Variants in HABP4 observed in about 807,000 individuals in gnomAD.
HABP4 encodes hyaluronan binding protein 4.
HABP4 carries 32 observed loss-of-function variants against 44.1 expected under a neutral mutation model. The ratio of observed to expected loss-of-function variants is 0.73; its 90% CI spans 0.55 to 0.97. The LOEUF (loss-of-function observed/expected upper bound fraction) is 0.97. HABP4 is among the 50% of genes least tolerant of loss of function. HABP4 has a pLI of 0.00. For missense variants in HABP4, 503 were observed against 561.9 expected, an observed-to-expected ratio of 0.90 and a Z score of 1.06; for synonymous variants, 216 against 218.0, an observed-to-expected ratio of 0.99 and a Z score of 0.08.
chr9:96,453,267 A>T (rs1832318844), intron 1 of HABP4, among the ~76,000 whole-genome samples: 1 of 151,892 alleles, frequency 6.6e-6, no homozygotes, highest in Non-Finnish European at 1.5e-5. Context: ...GCATGGGTTC[A>T]CTATGTTCAT....
intron 6 of HABP4, 147 bp from the exon 7 acceptor site, chr9:96,487,942 C>T (rs1257736753): frequency 3.1e-6 from 2 of 644,272 alleles, no homozygotes; most frequent in Non-Finnish European, 5.6e-6. Flanking sequence ...GCTCTGCAGC[C>T]CAGGGCCAGA....
At chr9:96,489,861 C>A in intron 7 of HABP4, 121 bp from the exon 8 acceptor site, 1 of 739,454 alleles carries the variant, frequency 1.4e-6, no homozygotes. Context: ...CCCCTTCCCA[C>A]TGTGGGTCCT....
At chr9:96,460,656 G>T (rs1401005240) in intron 2 of HABP4, among the ~76,000 whole-genome samples, 2 of 152,140 alleles carry the variant, frequency 1.3e-5, no homozygotes, top group African/African-American at 2.4e-5. Flanking sequence ...GCCTTCCTTT[G>T]TCCTTATGAA....
intron 5 of HABP4, among the ~76,000 whole-genome samples, chr9:96,471,755 AC>A (rs1315777844): frequency 6.6e-5 from 10 of 151,878 alleles, no homozygotes; most frequent in Non-Finnish European, 1.0e-4. Flanking sequence ...TAGCTTAGAT[AC>A]CGGCTCCGTC....
chr9:96,450,514 T>C lies in HABP4; in HGVS notation c.235T>C (p.Ser79Pro). 8.2e-7 allele frequency: 1 copy of C among 1,218,440 alleles called. No homozygotes were observed. Among genetic ancestry groups the C allele is most frequent in the Non-Finnish European group, 1.0e-6 (1 of 979,558 alleles). 75.5% of individuals were successfully genotyped at this position (1,218,440 alleles called of 1,614,324 possible). A position where few individuals can be genotyped will look rare whatever the true frequency, so the allele number is the denominator to read the frequency against. Residue 79 changes from serine (S) to proline (P), a missense_variant, in exon 1 of 8, where the codon TCG (serine) becomes CCG (proline). Transcript: ENST00000375249. This position sits in a 1 kb window ranked among gnomAD's most constrained non-coding sequence, Gnocchi z 4.8. ...CGGCGGCAGGAGCCCAGCCGGGGCC[T>C]CGGGCCACAGAGCCGGCGCGGGCGG... Reference protein sequence around the residue: ...PRGGRSPAGASGHRAGAGGRR... With the variant: ...PRGGRSPAGAPGHRAGAGGRR...
At chr9:96,470,794 G>A (rs1241799490) in intron 4 of HABP4, among the ~76,000 whole-genome samples, 1 of 151,554 alleles carries the variant, frequency 6.6e-6, no homozygotes, top group Non-Finnish European at 1.5e-5. Context: ...TTACTCAGGA[G>A]GCTGAGGGAG....
chr9:96,451,124 G>A (rs1215733914), intron 1 of HABP4, among the ~76,000 whole-genome samples: 2 of 152,210 alleles, frequency 1.3e-5, no homozygotes, highest in Non-Finnish European at 1.5e-5. Context: ...TGTGACGTCG[G>A]GGCCCGGGCG....
chr9:96,453,916 G>A (rs571249799), intron 1 of HABP4, among the ~76,000 whole-genome samples: 1 of 152,310 alleles, frequency 6.6e-6, no homozygotes, highest in East Asian at 1.9e-4. Flanking sequence ...TTTGTTTTGG[G>A]AGAGTTGGGA....
chr9:96,451,290 A>T (rs1832271611), intron 1 of HABP4, among the ~76,000 whole-genome samples: 1 of 152,156 alleles, frequency 6.6e-6, no homozygotes, highest in South Asian at 2.1e-4. Flanking sequence ...AGCGTTTTTA[A>T]CCTTTCCAGC....
chr9:96,471,856 T>C (rs1832704282), intron 5 of HABP4, among the ~76,000 whole-genome samples: 1 of 152,130 alleles, frequency 6.6e-6, no homozygotes, highest in African/African-American at 2.4e-5. Flanking sequence ...AATGGCGCGA[T>C]CTTGGCTCAC....
At position 96,475,638 on chromosome 9, in the gene HABP4, G is replaced by A. The variant is rs569459528; in HGVS notation, c.827+4544G>A. 2.0e-5 allele frequency among the ~76,000 whole-genome samples: 3 copies of A among 152,264 alleles called. 1 individual carries two copies. In the South Asian group the frequency reaches 6.2e-4, roughly 32 times the overall value. On this transcript the variant is annotated intron_variant, in intron 5 of 7. Coordinates refer to ENST00000375249, the MANE Select transcript of HABP4 (RefSeq NM_014282.4). The stretch of plus-strand genomic sequence containing the variant: ...ATTCATACTCCTCTAGTGAGTGGTA[G>A]GAATAGCAAAAAGTGCTGTTCAGAA...
At position 96,471,100 on chromosome 9, in the gene HABP4, G is replaced by C; in HGVS notation, c.827+6G>C. The C allele has an allele frequency of 6.8e-7, 1 of 1,469,260 alleles. No individual in the cohort carries two copies. The allele number at this position is 1,469,260 out of a possible 1,614,324, so 91.0% of individuals were successfully genotyped here. A position where few individuals can be genotyped will look rare whatever the true frequency, so the allele number is the denominator to read the frequency against. ...GAAGAGGAGTCTCCAGCCAAGTAGG[G>C]CATTTTGTTCATTCCCCATTGTGGT... is the stretch of plus-strand genomic sequence containing the variant. On this transcript the variant is annotated splice_donor_region_variant and intron_variant, in intron 5 of 7. Transcript: ENST00000375249.
rs1419553468 is a variant in HABP4 at position 96,490,064 on chromosome 9, G to A, written c.*26G>A. 2.1e-6 allele frequency: 3 copies of A among 1,422,222 alleles called. No homozygotes were observed. The highest frequency in any genetic ancestry group is 3.0e-6 in the Non-Finnish European group (3 of 1,004,508). 88.1% of individuals were successfully genotyped at this position (1,422,222 alleles called of 1,614,324 possible). A position where few individuals can be genotyped will look rare whatever the true frequency, so the allele number is the denominator to read the frequency against. On this transcript the variant is annotated 3_prime_UTR_variant, in exon 8 of 8. Coordinates refer to ENST00000375249, the MANE Select transcript of HABP4 (RefSeq NM_014282.4). Reference sequence around the variant, plus strand: ...AAGAGCCCTGTTTCCCAGCACCGCGGAGCTGCACTGCACACCTGTGGGGAG... The same window carrying A: ...AAGAGCCCTGTTTCCCAGCACCGCGAAGCTGCACTGCACACCTGTGGGGAG...
intron 6 of HABP4, among the ~76,000 whole-genome samples, chr9:96,485,894 A>T (rs565769518): frequency 3.0e-4 from 46 of 152,212 alleles, no homozygotes; most frequent in African/African-American, 1.1e-3. Context: ...CACTTTGGTT[A>T]GTTTCATTTT....
In HABP4 at chr9:96,488,685, C is replaced by A. The variant is rs16910889; in HGVS notation, c.1185+411C>A. 1.9e-3 allele frequency among the ~76,000 whole-genome samples: 295 copies of A among 152,262 alleles called. 3 individuals are homozygous for A. Among genetic ancestry groups the A allele is most frequent in the African/African-American group, 6.9e-3 (288 of 41,546 alleles). On this transcript the variant is annotated intron_variant, in intron 7 of 7. Coordinates refer to ENST00000375249, the MANE Select transcript of HABP4 (RefSeq NM_014282.4). This position sits in a 1 kb window ranked among gnomAD's most constrained non-coding sequence, Gnocchi z 4.6. ...CTTTGTGAGGGGACCTTCCTCAACC[C>A]CTCCCCGGCTCACCTGCCTCACACC...
At chr9:96,481,429 C>T (rs914005437) in intron 5 of HABP4, among the ~76,000 whole-genome samples, 7 of 151,968 alleles carry the variant, frequency 4.6e-5, no homozygotes, top group African/African-American at 1.5e-4. Flanking sequence ...ATATAATTCT[C>T]GTACTATAGC....
intron 5 of HABP4, among the ~76,000 whole-genome samples, chr9:96,476,857 A>G (rs1311016583): frequency 6.6e-6 from 1 of 152,226 alleles, no homozygotes; most frequent in African/African-American, 2.4e-5. Flanking sequence ...TGCAGCTGAT[A>G]AGCAGGGCAT....
intron 1 of HABP4, 149 bp from the exon 2 acceptor site, chr9:96,458,230 A>G (rs1035414166): frequency 3.9e-6 from 3 of 777,554 alleles, no homozygotes; most frequent in African/African-American, 3.4e-5. Flanking sequence ...AGTATCAGCA[A>G]CTTTTTTCTT....
chr9:96,478,378 T>A (rs1305786225), intron 5 of HABP4, among the ~76,000 whole-genome samples: 6 of 152,012 alleles, frequency 3.9e-5, no homozygotes, highest in African/African-American at 1.2e-4. Flanking sequence ...TGATTCGCCC[T>A]CCTCGGCCTC....
Sources: gnomAD v4.1 joint callset for allele counts (sites outside exome capture counted in the v4.1 genomes callset) on GRCh38, gnomAD v4.1.1 for gene constraint, Gnocchi (gnomAD v3.1) non-coding constraint, MANE v1.5 for transcripts, NCBI Gene and HGNC (gene_info 2026-07-23, HGNC 2026-07-21) for gene names.